The following ZSCAN5A variants were observed in gnomAD, a reference collection of about 807,000 sequenced individuals.
The protein encoded by ZSCAN5A is zinc finger and SCAN domain-containing protein 5A.
ZSCAN5A carries 12 observed loss-of-function variants against 23.7 expected under a neutral mutation model. That is an observed-to-expected ratio of 0.51 (90% CI 0.32 to 0.82). The LOEUF is 0.82. ZSCAN5A is among the 40% of genes least tolerant of loss of function. The probability of loss-of-function intolerance (pLI) is 0.03; values close to 1 mark genes in which losing one functional copy is unlikely to be tolerated. For synonymous variants in ZSCAN5A, 257 were observed against 239.9 expected (o/e 1.07, Z -0.66); for missense variants, 597 against 617.9 (o/e 0.97, Z 0.36).
At chr19:56,325,341 A>T (rs1404894073) in intron 2 of ZSCAN5A, among the ~76,000 whole-genome samples, 1 of 152,166 alleles carries the variant, frequency 6.6e-6, no homozygotes, top group Admixed American at 6.5e-5. Flanking sequence ...CTTCCTTCCT[A>T]ATGTCCCGCT....
At chr19:56,298,651 CAAA>C (rs35911666) in intron 2 of ZSCAN5A, among the ~76,000 whole-genome samples, 24 of 138,878 alleles carry the variant, frequency 1.7e-4, no homozygotes, top group African/African-American at 4.6e-4. Context: ...GACTCCATCT[CAAA>C]AAAAAAAAAA....
intron 2 of ZSCAN5A, chr19:56,321,785 C>A (rs530593274): frequency 8.3e-7 from 1 of 1,202,792 alleles, no homozygotes; most frequent in Non-Finnish European, 1.2e-6. Flanking sequence ...CAGCTTGATT[C>A]CTACCCAGTA....
chr19:56,227,299 T>C (rs1245759294), intron 2 of ZSCAN5A, among the ~76,000 whole-genome samples: 1 of 152,234 alleles, frequency 6.6e-6, no homozygotes, highest in Non-Finnish European at 1.5e-5. Context: ...TATACAATTT[T>C]TAGTTTTCAA....
intron 2 of ZSCAN5A, among the ~76,000 whole-genome samples, chr19:56,263,959 G>C (rs2037296279): frequency 1.4e-5 from 2 of 145,634 alleles, no homozygotes; most frequent in Admixed American, 1.4e-4. Flanking sequence ...GGAAAATGAA[G>C]CTCCAAGAAA....
chr19:56,359,309 A>C (rs2041717963), intron 2 of ZSCAN5A, among the ~76,000 whole-genome samples: 1 of 152,212 alleles, frequency 6.6e-6, no homozygotes, highest in Admixed American at 6.5e-5. Flanking sequence ...CTTCTATGCA[A>C]ATCAATCAGA....
At chr19:56,252,441 T>A in intron 2 of ZSCAN5A, among the ~76,000 whole-genome samples, 1 of 152,122 alleles carries the variant, frequency 6.6e-6, no homozygotes, top group East Asian at 1.9e-4. Context: ...CATAACAGGA[T>A]TTCTGAAGAG....
chr19:56,343,060 T>G (rs1408862025), intron 2 of ZSCAN5A: 1 of 815,400 alleles, frequency 1.2e-6, no homozygotes, highest in South Asian at 1.3e-5. Flanking sequence ...CAACCTTGGC[T>G]TGTTCCAGCA....
At chr19:56,259,523 T>A (rs1396585531) in intron 2 of ZSCAN5A, among the ~76,000 whole-genome samples, 1 of 152,228 alleles carries the variant, frequency 6.6e-6, no homozygotes, top group Non-Finnish European at 1.5e-5. Flanking sequence ...TTTTGTTTAT[T>A]GAGAGGCACT....
At chr19:56,311,214 A>T (rs1046025008) in intron 2 of ZSCAN5A, among the ~76,000 whole-genome samples, 1 of 152,186 alleles carries the variant, frequency 6.6e-6, no homozygotes. Flanking sequence ...TGCATTAAAA[A>T]AAAGAAAAAG....
intron 2 of ZSCAN5A, among the ~76,000 whole-genome samples, chr19:56,259,310 AG>A (rs912023931): frequency 1.3e-5 from 2 of 152,062 alleles, no homozygotes; most frequent in African/African-American, 4.8e-5. Flanking sequence ...GCAATCCACC[AG>A]CCTCGGACTC....
intron 2 of ZSCAN5A, among the ~76,000 whole-genome samples, chr19:56,292,735 T>G (rs999905206): frequency 6.6e-6 from 1 of 152,122 alleles, no homozygotes; most frequent in Non-Finnish European, 1.5e-5. Flanking sequence ...CCCTCTGACC[T>G]CAGCCCCGGC....
chr19:56,302,415 C>T (rs2040313108), intron 2 of ZSCAN5A, among the ~76,000 whole-genome samples: 1 of 142,118 alleles, frequency 7.0e-6, no homozygotes, highest in Non-Finnish European at 1.5e-5. Context: ...CTCCTCCCTT[C>T]ATCCCTCCCT....
chr19:56,297,472 G>A (rs1414491763), intron 2 of ZSCAN5A: 1 of 951,034 alleles, frequency 1.1e-6, no homozygotes, highest in Non-Finnish European at 1.2e-6. Context: ...TTCTCTTCCT[G>A]CTTCTTTTTC....
chr19:56,315,406 T>C (rs1376924664), upstream of ZSCAN5A: 20 of 152,270 alleles, frequency 1.3e-4, no homozygotes, highest in Admixed American at 3.9e-4. Flanking sequence ...CTGGGTCTCA[T>C]TTCCGAGGCC....
intron 2 of ZSCAN5A, among the ~76,000 whole-genome samples, chr19:56,234,621 T>C (rs1440313134): frequency 1.3e-5 from 2 of 152,206 alleles, no homozygotes; most frequent in Non-Finnish European, 2.9e-5. Context: ...TAAAAACCGA[T>C]GTTATTCATA....
At chr19:56,316,938 G>A (rs2041323627), upstream of ZSCAN5A, 1 of 152,310 alleles carries the variant, frequency 6.6e-6, no homozygotes, top group South Asian at 2.1e-4. Context: ...CTGGGCTTAA[G>A]CAATCCTCCC....
rs368397395 is a variant in ZSCAN5A, at chr19:56,327,122, C to T, written c.-357-10854G>A. The stretch of plus-strand genomic sequence containing the variant: ...GGTGTCCATTAGGATTTACTACATT[C>T]GTCATGCTATATATACATTAGGTCT... On this transcript the variant is annotated intron_variant, in intron 2 of 6. Coordinates refer to the ZSCAN5A transcript ENST00000587340. Among the ~76,000 whole-genome samples the T allele has an allele frequency of 2.3e-4, 35 of 151,712 alleles. No homozygotes were observed. In the East Asian group the frequency reaches 2.3e-3, roughly 10 times the overall value.
At chr19:56,223,905 T>G in intron 3 of ZSCAN5A, 71 bp from the exon 4 acceptor site, 3 of 1,335,354 alleles carry the variant, frequency 2.2e-6, no homozygotes. Flanking sequence ...CCCTGGGTCC[T>G]GCCATAATGC....
intron 2 of ZSCAN5A, chr19:56,285,046 T>C (rs1221791306): frequency 1.0e-6 from 1 of 984,458 alleles, no homozygotes; most frequent in East Asian, 1.1e-4. Context: ...GATTGTATCT[T>C]TTAAACCTGG....
Sources: gnomAD v4.1 joint callset for allele counts (sites outside exome capture counted in the v4.1 genomes callset) on GRCh38, gnomAD v4.1.1 for gene constraint, MANE v1.5 for transcripts, NCBI Gene and HGNC (gene_info 2026-07-23, HGNC 2026-07-21) for gene names.